Variants in GARRE1 observed in about 807,000 individuals in gnomAD.
The protein encoded by GARRE1 is granule associated Rac and RHOG effector protein 1.
GARRE1 carries 49 observed loss-of-function variants against 103.2 expected under a neutral mutation model. The ratio of observed to expected loss-of-function variants is 0.47; its 90% confidence interval spans 0.38 to 0.60. The LOEUF is 0.60. Ranked by LOEUF, GARRE1 falls within the 20% of genes least tolerant of loss-of-function variation. GARRE1 has a pLI of 0.00. For synonymous variants in GARRE1, 505 were observed against 532.8 expected (o/e 0.95, Z 0.72); for missense variants, 1,199 against 1,370.5 (o/e 0.87, Z 1.98).
intron 1 of GARRE1, among the ~76,000 whole-genome samples, chr19:34,267,282 T>C (rs1339374476): frequency 6.6e-6 from 1 of 152,110 alleles, no homozygotes; most frequent in African/African-American, 2.4e-5. Flanking sequence ...CACTGCAGCC[T>C]CAATCTCCCT....
intron 2 of GARRE1, among the ~76,000 whole-genome samples, chr19:34,301,205 G>A (rs1341648993): frequency 1.3e-5 from 2 of 152,096 alleles, no homozygotes; most frequent in African/African-American, 2.4e-5. Flanking sequence ...AGGCCAAGGC[G>A]GGAAGATCGC....
intron 11 of GARRE1, chr19:34,348,383 C>T (rs936857178): frequency 3.7e-4 from 75 of 205,036 alleles, no homozygotes; most frequent in Middle Eastern, 1.6e-3. Flanking sequence ...AGTGTGGCTG[C>T]GAAGCCCACG....
In GARRE1 at chr19:34,300,367, A is replaced by C. The variant is rs2073970534; in HGVS notation, c.-107A>C. On this transcript the variant is annotated 5_prime_UTR_variant, in exon 2 of 14. Transcript: ENST00000299505. ...GCCTCATGGAAATGCCTTTTTTAAAACTTCGATTTGCAGAACTCCACTATT... is the reference window on the plus strand; with the variant it reads ...GCCTCATGGAAATGCCTTTTTTAAACCTTCGATTTGCAGAACTCCACTATT... 7.3e-7 allele frequency: 1 copy of C among 1,371,272 alleles called. No individual in the cohort carries two copies. Among genetic ancestry groups the C allele is most frequent in the Admixed American group, 2.4e-5 (1 of 42,132 alleles). The allele number at this position is 1,371,272 out of a possible 1,614,324, so 84.9% of individuals were successfully genotyped here. A position where few individuals can be genotyped will look rare whatever the true frequency, so the allele number is the denominator to read the frequency against.
At chr19:34,311,862 T>C (rs1252968582) in intron 2 of GARRE1, among the ~76,000 whole-genome samples, 1 of 152,114 alleles carries the variant, frequency 6.6e-6, no homozygotes, top group Non-Finnish European at 1.5e-5. Flanking sequence ...CCCCCTGCCC[T>C]GGCCTCCCAA....
chr19:34,258,646 C>T (rs936309165), intron 1 of GARRE1, among the ~76,000 whole-genome samples: 1 of 151,958 alleles, frequency 6.6e-6, no homozygotes, highest in African/African-American at 2.4e-5. Context: ...AAAAATTAGC[C>T]GGACATGGCG....
chr19:34,265,232 G>C (rs1236113240), intron 1 of GARRE1, among the ~76,000 whole-genome samples: 1 of 152,180 alleles, frequency 6.6e-6, no homozygotes, highest in East Asian at 1.9e-4. Flanking sequence ...TCCCCGAGGT[G>C]GATATATGTT....
intron 4 of GARRE1, 36 bp from the exon 5 acceptor site, chr19:34,327,735 T>G (rs1438848429): frequency 5.1e-6 from 8 of 1,581,424 alleles, no homozygotes; most frequent in Non-Finnish European, 6.9e-6. Context: ...ATAATTTGCT[T>G]TACGATCTTG....
At chr19:34,347,850 C>G in intron 10 of GARRE1, 27 bp from the exon 11 acceptor site, 6 of 1,486,672 alleles carry the variant, frequency 4.0e-6, no homozygotes, top group Non-Finnish European at 5.4e-6. Flanking sequence ...GTCCCCAAAC[C>G]CGGTTTATTC....
At chr19:34,318,072 T>TGCAA (rs1312515086) in intron 2 of GARRE1, among the ~76,000 whole-genome samples, 1 of 152,102 alleles carries the variant, frequency 6.6e-6, no homozygotes, top group African/African-American at 2.4e-5. Context: ...TGCTTTGGTG[T>TGCAA]GAGATTTGTG....
chr19:34,343,436 C>CA (rs200547256), intron 10 of GARRE1, among the ~76,000 whole-genome samples: 92 of 150,964 alleles, frequency 6.1e-4, no homozygotes, highest in African/African-American at 2.0e-3. Context: ...AACCCTGTCT[C>CA]AAAAAAAAGC....
In GARRE1 at chr19:34,349,042, G is replaced by A. The variant is rs1196820171; in HGVS notation, c.2714G>A (p.Gly905Asp). 1.9e-6 allele frequency: 3 copies of A among 1,612,058 alleles called. No homozygotes were observed. Among genetic ancestry groups the A allele is most frequent in the Admixed American group, 1.7e-5 (1 of 59,986 alleles). ...EGDGLHGGWS[G>D]AQGDSASSSD... ...GATGGCCTGCACGGTGGCTGGTCGG[G>A]TGCTCAGGGAGACTCTGCCAGCTCG... The change falls in exon 12 of 14, where the codon GGT becomes GAT. Residue 905 changes from glycine (G) to aspartate (D), a missense_variant. Physicochemically the swap from Gly to Asp is moderately conservative, Grantham distance 94 (BLOSUM62 -1). Transcript: ENST00000299505.
At chr19:34,309,654 T>G (rs1432920777) in intron 2 of GARRE1, among the ~76,000 whole-genome samples, 2 of 152,166 alleles carry the variant, frequency 1.3e-5, no homozygotes, top group African/African-American at 4.8e-5. Flanking sequence ...GATTGAAGTG[T>G]TTTGATGGGT....
chr19:34,348,191 C>T, intron 11 of GARRE1, 149 bp downstream of exon 11: 1 of 649,494 alleles, frequency 1.5e-6, no homozygotes, highest in South Asian at 4.7e-5. Context: ...GGGATGAAAT[C>T]TTTAGGGGTC....
chr19:34,347,947 C>T lies in GARRE1; in HGVS notation c.2592C>T (p.Ala864=). The stretch of plus-strand genomic sequence containing the variant: ...AGGCGATGCAGCAGAAGCGGCAGGC[C>T]CAGCACGGTCGCCGGCCAGGCAACC... ...VSQAMQQKRQ[A]QHGRRPGNPR... Residue 864 remains alanine, a synonymous_variant, in exon 11 of 14, where the codon GCC becomes GCT. Transcript: ENST00000299505. The T allele has an allele frequency of 3.1e-6, 5 of 1,591,884 alleles. No homozygotes were observed. The highest frequency in any genetic ancestry group is 4.3e-6 in the Non-Finnish European group (5 of 1,168,538).
At chr19:34,348,983 G>A (rs1319406479) in intron 11 of GARRE1, 33 bp from the exon 12 acceptor site, 2 of 1,605,216 alleles carry the variant, frequency 1.2e-6, no homozygotes, top group South Asian at 1.1e-5. Context: ...GGCTGCAGGA[G>A]GCCCTGGCCC....
At chr19:34,335,978 T>C (rs572038517) in intron 8 of GARRE1, among the ~76,000 whole-genome samples, 36 of 152,148 alleles carry the variant, frequency 2.4e-4, no homozygotes, top group Middle Eastern at 3.4e-3. Flanking sequence ...TTTTATTTTT[T>C]TAAATTATTA....
chr19:34,309,625 C>T (rs1308942211), intron 2 of GARRE1, among the ~76,000 whole-genome samples: 1 of 152,162 alleles, frequency 6.6e-6, no homozygotes, highest in African/African-American at 2.4e-5. Context: ...TAGGCTTGAA[C>T]CACTGTGCCT....
chr19:34,346,773 C>T (rs558722991), intron 10 of GARRE1, among the ~76,000 whole-genome samples: 5 of 152,150 alleles, frequency 3.3e-5, no homozygotes, highest in South Asian at 2.1e-4. Flanking sequence ...CCTGCCACTA[C>T]GTCCAGCTAA....
chr19:34,275,052 A>C (rs573459731), intron 1 of GARRE1, among the ~76,000 whole-genome samples: 2 of 152,270 alleles, frequency 1.3e-5, no homozygotes, highest in East Asian at 3.9e-4. Flanking sequence ...TTTGAACTTC[A>C]TAGACAATAA....
Sources: gnomAD v4.1 joint callset for allele counts (sites outside exome capture counted in the v4.1 genomes callset) on GRCh38, gnomAD v4.1.1 for gene constraint, MANE v1.5 for transcripts, NCBI Gene and HGNC (gene_info 2026-07-23, HGNC 2026-07-21) for gene names.